The following HSPA12A variants were observed in gnomAD, a reference collection of about 807,000 sequenced individuals.
HSPA12A encodes the protein heat shock protein family A (Hsp70) member 12A.
HSPA12A carries 28 observed loss-of-function variants against 69.2 expected under a neutral mutation model. That is an observed-to-expected ratio of 0.40 (90% CI 0.30 to 0.55). HSPA12A has a LOEUF of 0.55. HSPA12A is among the 20% of genes least tolerant of loss of function. The pLI is 0.38. For missense variants in HSPA12A, 686 were observed against 900.7 expected (o/e 0.76, Z 3.05); for synonymous variants, 345 against 370.5 (o/e 0.93, Z 0.79).
At chr10:116,790,986 T>C (rs1341238492) in intron 2 of HSPA12A, among the ~76,000 whole-genome samples, 1 of 152,226 alleles carries the variant, frequency 6.6e-6, no homozygotes, top group African/African-American at 2.4e-5. Context: ...CCACTGCACC[T>C]GGCCCGTCCA....
intron 9 of HSPA12A, 119 bp from the exon 10 acceptor site, chr10:116,679,880 A>C (rs1389234243): frequency 2.0e-6 from 2 of 1,000,108 alleles, no homozygotes; most frequent in African/African-American, 3.2e-5. Flanking sequence ...GACGGCAGCT[A>C]TAAGTGTTTA....
At chr10:116,774,612 G>C (rs1844291793) in intron 2 of HSPA12A, among the ~76,000 whole-genome samples, 1 of 152,174 alleles carries the variant, frequency 6.6e-6, no homozygotes, top group Non-Finnish European at 1.5e-5. Context: ...CTAGAGGACT[G>C]GCCTTTTGGA....
At chr10:116,722,361 G>C (rs564358616) in intron 1 of HSPA12A, among the ~76,000 whole-genome samples, 1 of 152,156 alleles carries the variant, frequency 6.6e-6, no homozygotes, top group Admixed American at 6.5e-5. Flanking sequence ...GTGGGAGCTC[G>C]TGCTAGGGAC....
chr10:116,849,814 T>G, upstream of HSPA12A: 1 of 1,402,282 alleles, frequency 7.1e-7, no homozygotes, highest in Non-Finnish European at 9.5e-7. Flanking sequence ...CGCCTGCGCC[T>G]GCGCCTCAGA....
Position 116,793,871 on chromosome 10 carries a change from A to C in HSPA12A, c.91+41064T>G, listed in dbSNP as rs181284091. Among the ~76,000 whole-genome samples the C allele has an allele frequency of 3.3e-5, 5 of 152,302 alleles. No homozygotes were observed. In the East Asian group the frequency reaches 5.8e-4, roughly 18 times the overall value. The stretch of plus-strand genomic sequence containing the variant: ...CAGAAAGCATAAAATGAGATGGCAC[A>C]TAAAGTCCTAACATATCAATAATTA... On this transcript the variant is annotated intron_variant, in intron 2 of 12. Coordinates refer to the HSPA12A transcript ENST00000635765.
At chr10:116,823,764 G>A (rs566988164) in intron 2 of HSPA12A, among the ~76,000 whole-genome samples, 24 of 152,214 alleles carry the variant, frequency 1.6e-4, no homozygotes, top group Non-Finnish European at 2.4e-4. Context: ...ACAAAAAGCC[G>A]AAACGTTAAG....
rs369942158 is a variant in HSPA12A at position 116,705,545 on chromosome 10, C to A, written c.127-267G>T. Among the ~76,000 whole-genome samples, 85 of 152,376 alleles carry A rather than the reference C, an allele frequency of 5.6e-4. 2 individuals carry two copies. The East Asian group carries it at 0.016, about 28-fold the overall frequency. On this transcript the variant is annotated intron_variant, in intron 2 of 11. Transcript: ENST00000369209. ...CAGCTTGCCCACTCCTCTCTATAGA[C>A]CGTGCCCGCACACGGCTAGTTACAG...
At chr10:116,822,739 A>G (rs928763977) in intron 2 of HSPA12A, among the ~76,000 whole-genome samples, 1 of 152,240 alleles carries the variant, frequency 6.6e-6, no homozygotes, top group Non-Finnish European at 1.5e-5. Flanking sequence ...GAATGAAAAT[A>G]AAGAGGCCAT....
At chr10:116,849,825 A>G, upstream of HSPA12A, 1 of 1,366,900 alleles carries the variant, frequency 7.3e-7, no homozygotes, top group Non-Finnish European at 9.9e-7. Flanking sequence ...GCGCCTCAGA[A>G]TCTCGCATGC....
chr10:116,797,032 C>A (rs1055643785), intron 2 of HSPA12A, among the ~76,000 whole-genome samples: 6 of 152,144 alleles, frequency 3.9e-5, no homozygotes, highest in Admixed American at 3.3e-4. Flanking sequence ...CCAAAGAAAT[C>A]CCACAGAAGT....
chr10:116,684,369 A>G (rs1478876580), intron 6 of HSPA12A, among the ~76,000 whole-genome samples: 8 of 152,132 alleles, frequency 5.3e-5, no homozygotes, highest in African/African-American at 1.4e-4. Context: ...TTTCCAAACC[A>G]TCACAGGGTG....
At chr10:116,752,954 G>A (rs1180045455) in intron 2 of HSPA12A, among the ~76,000 whole-genome samples, 1 of 152,196 alleles carries the variant, frequency 6.6e-6, no homozygotes, top group Non-Finnish European at 1.5e-5. Flanking sequence ...CTTTGTAAGA[G>A]AATGTATGCA....
chr10:116,706,997 G>T (rs1488646034), intron 2 of HSPA12A, among the ~76,000 whole-genome samples: 1 of 152,182 alleles, frequency 6.6e-6, no homozygotes, highest in African/African-American at 2.4e-5. Context: ...GCTCGGAGTG[G>T]GGGAAGGGGC....
rs1159881471 is a variant in HSPA12A, at chr10:116,671,504, CCT to C, written c.*3275_*3276del. On this transcript the variant is annotated 3_prime_UTR_variant, in exon 12 of 12. Coordinates refer to ENST00000369209, the MANE Select transcript of HSPA12A (RefSeq NM_025015.3). Reference sequence around the variant, plus strand: ...CTTTGACTAATAATGCATTCTGACTCCTGTTTACATTGGTGCATGCGATTCTT... The same window carrying C: ...CTTTGACTAATAATGCATTCTGACTCGTTTACATTGGTGCATGCGATTCTT... The C allele has an allele frequency of 2.6e-5, 4 of 152,482 alleles. No homozygotes were observed. The highest frequency in any genetic ancestry group is 4.4e-5 in the Non-Finnish European group (3 of 68,056). 9.4% of individuals were successfully genotyped at this position (152,482 alleles called of 1,614,324 possible). A position where few individuals can be genotyped will look rare whatever the true frequency, so the allele number is the denominator to read the frequency against.
At chr10:116,732,358 G>GAA (rs1851189876) in intron 1 of HSPA12A, among the ~76,000 whole-genome samples, 1 of 87,834 alleles carries the variant, frequency 1.1e-5, no homozygotes, top group Admixed American at 1.1e-4. Context: ...GAAAGAGACA[G>GAA]AGGGAAAGAA....
intron 2 of HSPA12A, among the ~76,000 whole-genome samples, chr10:116,747,769 C>T (rs1013369560): frequency 1.6e-4 from 24 of 152,124 alleles, no homozygotes; most frequent in Admixed American, 7.2e-4. Context: ...GAGGCCGAGA[C>T]GGGTGGATCA....
intron 2 of HSPA12A, among the ~76,000 whole-genome samples, chr10:116,819,448 C>T (rs777375915): frequency 3.3e-5 from 5 of 152,140 alleles, no homozygotes; most frequent in Non-Finnish European, 5.9e-5. Context: ...TGAGAGGTGA[C>T]TGGGTCATGA....
At chr10:116,695,806 C>T (rs1331839317) in intron 5 of HSPA12A, among the ~76,000 whole-genome samples, 3 of 146,534 alleles carry the variant, frequency 2.0e-5, no homozygotes, top group Non-Finnish European at 4.5e-5. Flanking sequence ...GGCAACAGAG[C>T]GAGACTCCGT....
intron 2 of HSPA12A, among the ~76,000 whole-genome samples, chr10:116,833,963 C>A (rs1388318633): frequency 6.6e-6 from 1 of 152,176 alleles, no homozygotes; most frequent in Non-Finnish European, 1.5e-5. Flanking sequence ...TTGCTAATGG[C>A]CTCCCAGAGA....
Sources: allele counts gnomAD v4.1 joint callset (sites outside exome capture counted in the v4.1 genomes callset), GRCh38; gene constraint gnomAD v4.1.1; transcripts MANE v1.5; gene names NCBI Gene and HGNC (gene_info 2026-07-23, HGNC 2026-07-21).